Variants in GALK1 observed in about 807,000 individuals in gnomAD.
GALK1 encodes the protein galactokinase 1.
GALK1 carries 30 observed loss-of-function variants against 38.6 expected under a neutral mutation model. The ratio of observed to expected loss-of-function variants is 0.78; its 90% CI spans 0.58 to 1.05. The LOEUF is 1.05. Ranked by LOEUF, GALK1 falls within the 50% of genes least tolerant of loss-of-function variation. The pLI is 0.00. For synonymous variants in GALK1, 240 were observed against 233.6 expected, an observed-to-expected ratio of 1.03 and a Z score of -0.25; for missense variants, 512 against 540.5, an observed-to-expected ratio of 0.95 and a Z score of 0.52.
In GALK1 at chr17:75,752,280, G is replaced by A. The variant is rs773173766; in HGVS notation, c.*23-543C>T. 9.9e-6 allele frequency: 16 copies of A among 1,613,378 alleles called. No homozygotes were observed. In the East Asian group the frequency reaches 1.3e-4, roughly 13 times the overall value. Reference sequence around the variant, plus strand: ...AGCCCTACCGCTACACGGTGAAGGCGCGCAACGGGGCCGGCTGGGGGCCTG... The same window carrying A: ...AGCCCTACCGCTACACGGTGAAGGCACGCAACGGGGCCGGCTGGGGGCCTG... On this transcript the variant is annotated intron_variant, in intron 8 of 8. Transcript: ENST00000225614.
downstream of GALK1, chr17:75,756,954 G>A (rs372938774): frequency 4.2e-5 from 67 of 1,612,398 alleles, no homozygotes; most frequent in African/African-American, 6.7e-5. Flanking sequence ...GCCAGCCACC[G>A]CATTCCGGGT....
intron 1 of GALK1, 111 bp downstream of exon 1, chr17:75,764,861 C>G (rs775058415): frequency 1.3e-5 from 16 of 1,223,472 alleles, no homozygotes; most frequent in Non-Finnish European, 1.9e-5. Flanking sequence ...CGCAGCTGCC[C>G]GCCCCACATC....
At chr17:75,756,382 G>A (rs2061502646), downstream of GALK1, 1 of 1,603,056 alleles carries the variant, frequency 6.2e-7, no homozygotes, top group South Asian at 1.1e-5. Flanking sequence ...CAGGCCAGGG[G>A]TGGGAGTAAC....
chr17:75,752,531 A>T lies in GALK1; in HGVS notation c.*23-794T>A. The stretch of plus-strand genomic sequence containing the variant: ...TCCTTATGTACAGCGATGACGTTCT[A>T]CGCTCTCCATCGGGCAGCCAGAGGC... On this transcript the variant is annotated intron_variant, in intron 8 of 8. Coordinates refer to the GALK1 transcript ENST00000225614. 1.9e-6 allele frequency: 3 copies of T among 1,613,660 alleles called. No individual in the cohort carries two copies. The highest frequency in any genetic ancestry group is 2.5e-6 in the Non-Finnish European group (3 of 1,180,016).
chr17:75,765,182 C>G lies in GALK1; in HGVS notation c.-46G>C. ...CACAGCTGCTCCGGCACAGCCCCGT[C>G]GGCGCGGGATGCTCGGGCGGGGCCC... On this transcript the variant is annotated 5_prime_UTR_variant, in exon 1 of 8. Transcript: ENST00000588479. The G allele has an allele frequency of 7.2e-7, 1 of 1,393,050 alleles. No homozygotes were observed. The allele number at this position is 1,393,050 out of a possible 1,614,324, so 86.3% of individuals were successfully genotyped here.
At chr17:75,756,619 T>C (rs769678731), downstream of GALK1, 1 of 1,612,582 alleles carries the variant, frequency 6.2e-7, no homozygotes, top group African/African-American at 1.3e-5. Flanking sequence ...CCCTGCCAGG[T>C]GAGTTGCCTC....
intron 5 of GALK1, among the ~76,000 whole-genome samples, chr17:75,759,857 G>A (rs1473607544): frequency 6.6e-6 from 1 of 152,158 alleles, no homozygotes; most frequent in East Asian, 1.9e-4. Flanking sequence ...CTCAGTGTGG[G>A]CAGCACGGCC....
chr17:75,764,889 G>A (rs1034384456), intron 1 of GALK1, 83 bp downstream of exon 1: 2 of 1,463,628 alleles, frequency 1.4e-6, no homozygotes, highest in African/African-American at 1.4e-5. Context: ...GGAAGAACTC[G>A]CCCCCAGCGT....
In GALK1 at chr17:75,765,056, C is replaced by G. The variant is rs2061605081; in HGVS notation, c.81G>C (p.Glu27Asp). The part of the protein sequence containing the change: ...RRAFREEFGA[E>D]PELAVSAPGR... ...CCGGCGCTGACACGGCCAGCTCGGG[C>G]TCGGCCCCGAACTCCTCCCGGAAGG... The change falls in exon 1 of 8, where the codon GAG becomes GAC. Residue 27 changes from glutamate (E) to aspartate (D), a missense_variant. Physicochemically the swap from Glu to Asp is conservative, Grantham distance 45 (BLOSUM62 2). Transcript: ENST00000588479. The G allele has an allele frequency of 6.2e-7, 1 of 1,604,462 alleles. No individual in the cohort carries two copies. The highest frequency in any genetic ancestry group is 8.5e-7 in the Non-Finnish European group (1 of 1,176,420).
Position 75,765,117 on chromosome 17 carries a change from G to A in GALK1, c.20C>T (p.Pro7Leu), listed in dbSNP as rs2061605514. MAALRQPQVAELLAEAR... is the reference protein window; with the variant it reads MAALRQLQVAELLAEAR... ...CTCGGCCAGCAGCTCCGCGACCTGGGGCTGTCTCAAAGCAGCCATGACGCG... is the reference window on the plus strand; with the variant it reads ...CTCGGCCAGCAGCTCCGCGACCTGGAGCTGTCTCAAAGCAGCCATGACGCG... Residue 7 changes from proline to leucine, a missense_variant, in exon 1 of 8, where the codon CCC becomes CTC. Transcript: ENST00000588479. 6.3e-7 allele frequency: 1 copy of A among 1,580,066 alleles called. No homozygotes were observed.
rs779054525 is a variant in GALK1, at chr17:75,758,557, C to G, written c.836G>C (p.Arg279Pro). ...LVSKEGFRRA[R>P]HVVGEIRRTA... ...GCGCCGAATCTCCCCCACCACGTGC[C>G]GGGCCCGCCGGAAGCCCTCTTTGCT... is the stretch of plus-strand genomic sequence containing the variant. The change falls in exon 6 of 8, where the codon CGG (arginine) becomes CCG (proline). Residue 279 changes from arginine (R) to proline (P), a missense_variant. Physicochemically the swap from Arg to Pro is moderately radical, Grantham distance 103. Coordinates refer to ENST00000588479, the MANE Select transcript of GALK1 (RefSeq NM_000154.2). The G allele has an allele frequency of 1.3e-6, 2 of 1,595,990 alleles. No individual in the cohort carries two copies. The highest frequency in any genetic ancestry group is 8.5e-7 in the Non-Finnish European group (1 of 1,176,996).
chr17:75,752,042 G>A, intron 8 of GALK1: 2 of 977,334 alleles, frequency 2.0e-6, no homozygotes, highest in Admixed American at 3.4e-5. Context: ...ATTCAGCAGT[G>A]GCTGGCTTTG....
chr17:75,758,820 G>A (rs895466305), intron 5 of GALK1, among the ~76,000 whole-genome samples: 2 of 152,202 alleles, frequency 1.3e-5, no homozygotes, highest in Non-Finnish European at 2.9e-5. Context: ...GGTCCTTCAG[G>A]GAGCAGTGAG....
At chr17:75,752,999 A>G (rs896639083), downstream of GALK1, among the ~76,000 whole-genome samples, 2 of 152,224 alleles carry the variant, frequency 1.3e-5, no homozygotes, top group Non-Finnish European at 2.9e-5. Context: ...CTTGATTCCC[A>G]GCACAAAGTG....
downstream of GALK1, chr17:75,757,722 C>T (rs750914612): frequency 5.7e-6 from 5 of 882,580 alleles, no homozygotes; most frequent in South Asian, 4.4e-5. Flanking sequence ...CAAGGTCCGT[C>T]CTCTGTGGGC....
chr17:75,763,518 A>T, intron 2 of GALK1, 79 bp from the exon 3 acceptor site: 1 of 1,473,602 alleles, frequency 6.8e-7, no homozygotes, highest in Non-Finnish European at 9.2e-7. Context: ...CCTGGCGGGA[A>T]GGGCAGCAAC....
chr17:75,765,035 C>T lies in GALK1; in HGVS notation c.102G>A (p.Ala34=). 2.5e-6 allele frequency: 4 copies of T among 1,609,410 alleles called. No individual in the cohort carries two copies. Among genetic ancestry groups the T allele is most frequent in the Non-Finnish European group, 3.4e-6 (4 of 1,178,362 alleles). ...FGAEPELAVS[A]PGRVNLIGEH... ...CCCCGATGAGGTTGACGCGGCCCGGCGCTGACACGGCCAGCTCGGGCTCGG... is the reference window on the plus strand; with the variant it reads ...CCCCGATGAGGTTGACGCGGCCCGGTGCTGACACGGCCAGCTCGGGCTCGG... The change falls in exon 1 of 8, where the codon GCG becomes GCA. Residue 34 remains alanine, a synonymous_variant. Coordinates refer to ENST00000588479, the MANE Select transcript of GALK1 (RefSeq NM_000154.2).
chr17:75,753,680 G>A, downstream of GALK1: 3 of 928,438 alleles, frequency 3.2e-6, no homozygotes, highest in South Asian at 9.5e-5. Flanking sequence ...GGCTCCCCTC[G>A]CAGAGCCTAC....
chr17:75,762,736 CT>C lies in GALK1; in HGVS notation c.760del (p.Ser254AlafsTer10). ...EEVARALGKESLREVQLEELE... is the reference protein window; with the variant it reads ...EEVARALGKEXLREVQLEELE... ...CTCTTCCAGTTGTACCTCCCGGAGG[CT>C]TTCCTTGCCCAGCGCCCGGGCCACT... is the stretch of plus-strand genomic sequence containing the variant. On this transcript the variant is annotated frameshift_variant, in exon 5 of 8. Transcript: ENST00000588479. LOFTEE classifies it high-confidence loss of function. The C allele has an allele frequency of 6.2e-7, 1 of 1,613,924 alleles. No individual in the cohort carries two copies. The highest frequency in any genetic ancestry group is 8.5e-7 in the Non-Finnish European group (1 of 1,180,030).
Sources: gnomAD v4.1 joint callset for allele counts (sites outside exome capture counted in the v4.1 genomes callset) on GRCh38, gnomAD v4.1.1 for gene constraint, MANE v1.5 for transcripts, NCBI Gene and HGNC (gene_info 2026-07-23, HGNC 2026-07-21) for gene names.